Variants in MPZL1 observed in about 807,000 individuals in gnomAD.
MPZL1 encodes myelin protein zero like 1, also known as myelin protein zero-like protein 1.
A neutral mutation model predicts 29.3 loss-of-function variants in MPZL1; 16 were observed. The observed-to-expected ratio is 0.55, with a 90% confidence interval of 0.37 to 0.83. MPZL1 has a LOEUF of 0.83. MPZL1 is among the 40% of genes least tolerant of loss of function. MPZL1 has a pLI of 0.00. For synonymous variants in MPZL1, 143 were observed against 132.0 expected (o/e 1.08, Z -0.57); for missense variants, 279 against 332.9 (o/e 0.84, Z 1.26).
At chr1:167,772,131 G>C in intron 2 of MPZL1, 144 bp from the exon 3 acceptor site, 1 of 694,314 alleles carries the variant, frequency 1.4e-6, no homozygotes, top group Non-Finnish European at 2.5e-6. Context: ...AAGGAGGAGA[G>C]AGAGGGGGAG....
chr1:167,742,246 TC>T, intron 1 of MPZL1, among the ~76,000 whole-genome samples: 1 of 151,934 alleles, frequency 6.6e-6, no homozygotes, highest in South Asian at 2.1e-4. Context: ...TGAGCAGAGA[TC>T]ATGCCACTGC....
At chr1:167,733,351 C>A (rs1162683327) in intron 1 of MPZL1, among the ~76,000 whole-genome samples, 2 of 152,150 alleles carry the variant, frequency 1.3e-5, no homozygotes, top group African/African-American at 4.8e-5. Flanking sequence ...GACAGCAGTT[C>A]CCACTGTAAG....
At chr1:167,773,461 A>C in intron 4 of MPZL1, 93 bp downstream of exon 4, 1 of 1,370,778 alleles carries the variant, frequency 7.3e-7, no homozygotes, top group Non-Finnish European at 9.8e-7. Flanking sequence ...ATTTTAAAGA[A>C]TTAACTACTA....
chr1:167,771,230 C>T, intron 2 of MPZL1, among the ~76,000 whole-genome samples: 1 of 152,136 alleles, frequency 6.6e-6, no homozygotes, highest in Non-Finnish European at 1.5e-5. Context: ...ATCTGTTTAA[C>T]AAAGCACATC....
chr1:167,767,784 CT>C (rs1329530917), intron 2 of MPZL1, among the ~76,000 whole-genome samples: 2 of 96,710 alleles, frequency 2.1e-5, no homozygotes, highest in Non-Finnish European at 4.4e-5. Context: ...TTCTGTTTCC[CT>C]TTTCTGCTTT....
At chr1:167,729,544 A>G (rs978008187) in intron 1 of MPZL1, among the ~76,000 whole-genome samples, 3 of 152,162 alleles carry the variant, frequency 2.0e-5, no homozygotes, top group Admixed American at 6.6e-5. Context: ...CTTTCTTCCA[A>G]AGGGTGTTGC....
At chr1:167,767,110 C>A (rs1206010587) in intron 2 of MPZL1, among the ~76,000 whole-genome samples, 1 of 152,208 alleles carries the variant, frequency 6.6e-6, no homozygotes, top group African/African-American at 2.4e-5. Context: ...GGGAGAATCT[C>A]CCCTATGGAG....
At chr1:167,772,664 G>A (rs1661277601) in intron 3 of MPZL1, among the ~76,000 whole-genome samples, 176 bp downstream of exon 3, 1 of 152,136 alleles carries the variant, frequency 6.6e-6, no homozygotes, top group African/African-American at 2.4e-5. Flanking sequence ...TGGGAAACTT[G>A]TTGCTCATTC....
chr1:167,739,527 TC>T (rs1274113710), intron 1 of MPZL1, among the ~76,000 whole-genome samples: 1 of 151,866 alleles, frequency 6.6e-6, no homozygotes, highest in African/African-American at 2.4e-5. Context: ...ATTAAAGCTT[TC>T]AAAAATTCTA....
intron 1 of MPZL1, among the ~76,000 whole-genome samples, chr1:167,739,310 C>CATATATATATATATATATATATACAT (rs68082264): frequency 5.6e-4 from 57 of 101,354 alleles, no homozygotes; most frequent in African/African-American, 2.8e-3. Context: ...TATATATATA[C>CATATATATATATATATATATATACAT]ACATATATAT....
chr1:167,778,187 G>T (rs60364883), intron 5 of MPZL1, among the ~76,000 whole-genome samples: 27,758 of 151,832 alleles, frequency 0.18, 3,034 homozygotes, highest in East Asian at 0.36. Flanking sequence ...CAGGTGTGGT[G>T]GTGCACACCT....
intron 1 of MPZL1, among the ~76,000 whole-genome samples, chr1:167,739,109 G>A (rs990079145): frequency 6.6e-6 from 1 of 151,308 alleles, no homozygotes; most frequent in Non-Finnish European, 1.5e-5. Context: ...GCCCAGCTAA[G>A]CTTTGTGTTT....
intron 1 of MPZL1, among the ~76,000 whole-genome samples, chr1:167,723,033 C>T (rs1660071297): frequency 6.6e-6 from 1 of 152,106 alleles, no homozygotes; most frequent in Admixed American, 6.5e-5. Context: ...TAAGGTAAAC[C>T]TCGGGCTCAA....
intron 1 of MPZL1, among the ~76,000 whole-genome samples, chr1:167,725,866 T>G (rs1660135395): frequency 6.6e-6 from 1 of 152,232 alleles, no homozygotes; most frequent in South Asian, 2.1e-4. Context: ...CCGGCCTGCC[T>G]CAGCCTCCCA....
chr1:167,769,039 A>G (rs1181257704), intron 2 of MPZL1, among the ~76,000 whole-genome samples: 1 of 152,246 alleles, frequency 6.6e-6, no homozygotes, highest in Non-Finnish European at 1.5e-5. Flanking sequence ...AAGCTTTGAA[A>G]TCAGAGCTGA....
chr1:167,767,566 C>G, intron 2 of MPZL1, among the ~76,000 whole-genome samples: 1 of 152,188 alleles, frequency 6.6e-6, no homozygotes, highest in East Asian at 1.9e-4. Context: ...CAGTTAATCC[C>G]AGCATGTTCA....
rs1176332752 is a variant in MPZL1, at chr1:167,722,128, G to A, written c.-24G>A. On this transcript the variant is annotated 5_prime_UTR_variant, in exon 1 of 6. Transcript: ENST00000359523. ...CCGGGCTCAGGGACGCGGCGGCGGC[G>A]GCGGCGACTGCAGTGGCTGGACGAT... 8.9e-6 allele frequency: 11 copies of A among 1,234,390 alleles called. No individual in the cohort carries two copies. The highest frequency in any genetic ancestry group is 3.2e-5 in the East Asian group (1 of 31,708). 76.5% of individuals were successfully genotyped at this position (1,234,390 alleles called of 1,614,324 possible).
intron 5 of MPZL1, among the ~76,000 whole-genome samples, chr1:167,784,619 C>G (rs955993734): frequency 6.6e-6 from 1 of 152,144 alleles, no homozygotes; most frequent in African/African-American, 2.4e-5. Context: ...AAATAGCACT[C>G]AGAATCAAAC....
At chr1:167,727,127 A>G (rs1660163997) in intron 1 of MPZL1, among the ~76,000 whole-genome samples, 1 of 152,262 alleles carries the variant, frequency 6.6e-6, no homozygotes, top group Non-Finnish European at 1.5e-5. Flanking sequence ...GTTTCTTTAA[A>G]GATTGGTCTT....
Sources: gnomAD v4.1 joint callset for allele counts (sites outside exome capture counted in the v4.1 genomes callset) on GRCh38, gnomAD v4.1.1 for gene constraint, MANE v1.5 for transcripts, NCBI Gene and HGNC (gene_info 2026-07-23, HGNC 2026-07-21) for gene names.